The following GRIK1 variants were observed in gnomAD, a reference collection of about 807,000 sequenced individuals.
The protein encoded by GRIK1 is glutamate receptor ionotropic, kainate 1.
Under a neutral mutation model 105.7 loss-of-function variants are expected in GRIK1, and 69 were observed. That is an observed-to-expected ratio of 0.65 (90% CI 0.54 to 0.80). The LOEUF is 0.80. GRIK1 is among the 30% of genes least tolerant of loss of function. The pLI, the probability that GRIK1 is intolerant of heterozygous loss-of-function variation, is 0.00. For missense variants in GRIK1, 1,109 were observed against 1,167.3 expected, an observed-to-expected ratio of 0.95 and a Z score of 0.73; for synonymous variants, 438 against 431.3, an observed-to-expected ratio of 1.02 and a Z score of -0.19.
chr21:29,647,193 G>A (rs2062638441), intron 6 of GRIK1, among the ~76,000 whole-genome samples: 1 of 152,160 alleles, frequency 6.6e-6, no homozygotes, highest in South Asian at 2.1e-4. Flanking sequence ...GTATCATCAA[G>A]TAAATTCAAT....
intron 1 of GRIK1, among the ~76,000 whole-genome samples, chr21:29,933,358 G>T (rs891320475): frequency 6.6e-6 from 1 of 152,182 alleles, no homozygotes; most frequent in Admixed American, 6.5e-5. Context: ...GTTGCCTCAA[G>T]TGTGCTCTGG....
At chr21:29,592,552 T>A (rs1158762338) in intron 9 of GRIK1, among the ~76,000 whole-genome samples, 1 of 152,196 alleles carries the variant, frequency 6.6e-6, no homozygotes, top group African/African-American at 2.4e-5. Flanking sequence ...CCTCACATGG[T>A]GGCTTGCAAG....
chr21:29,852,503 C>G (rs926094341), intron 1 of GRIK1, among the ~76,000 whole-genome samples: 9 of 152,208 alleles, frequency 5.9e-5, no homozygotes, highest in African/African-American at 2.2e-4. Context: ...CCTCCATTCT[C>G]TGTACATCTT....
rs1328794316 is a variant in GRIK1, at chr21:29,577,069, T to C, written c.2025A>G (p.Thr675=). 2 of 1,613,154 alleles carry C rather than the reference T, an allele frequency of 1.2e-6. No individual in the cohort carries two copies. Among genetic ancestry groups the C allele is most frequent in the Admixed American group, 3.3e-5 (2 of 60,022 alleles). The change falls in exon 14 of 18, where the codon ACA becomes ACG. Residue 675 remains threonine, a synonymous_variant. Coordinates refer to ENST00000327783, the MANE Select transcript of GRIK1 (RefSeq NM_001330994.2). ...CTATGGGGGATTCCATTCTCTCTAC[T>C]GTCAAGAAGGCAGCCAGATTGGCCG... The part of the protein sequence containing the change: ...SYTANLAAFL[T]VERMESPIDS...
rs1007775499 is a variant in GRIK1, at chr21:29,856,321, G to C, written c.118+83062C>G. Reference sequence around the variant, plus strand: ...GGAAAATTATCAGCATACAGCACCAGAGCAGCCAAAAGAATGAAGTAGCCA... The same window carrying C: ...GGAAAATTATCAGCATACAGCACCACAGCAGCCAAAAGAATGAAGTAGCCA... On this transcript the variant is annotated intron_variant, in intron 1 of 17. Transcript: ENST00000327783. 8.5e-5 allele frequency among the ~76,000 whole-genome samples: 13 copies of C among 152,188 alleles called. No individual in the cohort carries two copies. In the South Asian group the frequency reaches 2.5e-3, roughly 29 times the overall value.
chr21:29,591,446 GTCTTTT>G (rs72421506), intron 9 of GRIK1, among the ~76,000 whole-genome samples: 36,464 of 151,752 alleles, frequency 0.24, 5,366 homozygotes, highest in African/African-American at 0.4. Flanking sequence ...GTAGGTGGAG[GTCTTTT>G]TCTTTTTCAT....
intron 2 of GRIK1, among the ~76,000 whole-genome samples, chr21:29,690,351 T>G (rs568717124): frequency 6.6e-6 from 1 of 152,208 alleles, no homozygotes; most frequent in East Asian, 1.9e-4. Context: ...ATGAGTGTTG[T>G]ATGAATTAAG....
chr21:29,557,353 C>T (rs145293788), intron 15 of GRIK1, among the ~76,000 whole-genome samples: 2,623 of 152,192 alleles, frequency 0.017, 41 homozygotes, highest in Middle Eastern at 0.031. Context: ...AGTACACATT[C>T]CATTTTAGAA....
intron 1 of GRIK1, among the ~76,000 whole-genome samples, chr21:29,879,756 A>C (rs1425916809): frequency 6.6e-6 from 1 of 152,172 alleles, no homozygotes; most frequent in African/African-American, 2.4e-5. Flanking sequence ...TATTAAAAAG[A>C]AAGAGGATAA....
At chr21:29,653,014 G>A (rs998849684) in intron 5 of GRIK1, among the ~76,000 whole-genome samples, 5 of 152,116 alleles carry the variant, frequency 3.3e-5, no homozygotes, top group African/African-American at 1.2e-4. Context: ...TTAAAGCATT[G>A]CATATTTTTT....
intron 7 of GRIK1, among the ~76,000 whole-genome samples, chr21:29,627,731 A>G (rs953241221): frequency 2.6e-5 from 4 of 152,216 alleles, no homozygotes; most frequent in Non-Finnish European, 5.9e-5. Flanking sequence ...GTGAATGTGC[A>G]GGAGAGGAGT....
chr21:29,553,405 T>C, intron 16 of GRIK1: 1 of 1,328,868 alleles, frequency 7.5e-7, no homozygotes, highest in East Asian at 2.8e-5. Context: ...TTCCAGTGTA[T>C]TCATTTCAAT....
chr21:29,684,995 T>C (rs2063462017), intron 3 of GRIK1, among the ~76,000 whole-genome samples: 1 of 152,188 alleles, frequency 6.6e-6, no homozygotes, highest in African/African-American at 2.4e-5. Flanking sequence ...TATGTATGTA[T>C]CTATTTATCT....
intron 1 of GRIK1, among the ~76,000 whole-genome samples, chr21:29,725,590 G>A (rs1470177343): frequency 6.6e-6 from 1 of 152,122 alleles, no homozygotes; most frequent in Non-Finnish European, 1.5e-5. Context: ...ATACGACCAG[G>A]TGTAGCCATA....
chr21:29,579,939 A>G (rs1241377678), intron 13 of GRIK1, among the ~76,000 whole-genome samples: 1 of 146,602 alleles, frequency 6.8e-6, no homozygotes, highest in Non-Finnish European at 1.5e-5. Flanking sequence ...GCTCTGTGAA[A>G]CCTAAAAGTA....
intron 4 of GRIK1, among the ~76,000 whole-genome samples, chr21:29,665,408 A>C (rs534205051): frequency 6.6e-6 from 1 of 152,326 alleles, no homozygotes; most frequent in East Asian, 1.9e-4. Context: ...TGTACCGCCA[A>C]AGTAATTATA....
chr21:29,667,013 C>T (rs1356307255), intron 4 of GRIK1, among the ~76,000 whole-genome samples: 2 of 152,186 alleles, frequency 1.3e-5, no homozygotes, highest in Non-Finnish European at 1.5e-5. Context: ...ATGACTGATG[C>T]ATTTAAGCTG....
At chr21:29,733,918 A>C (rs1224660023) in intron 1 of GRIK1, among the ~76,000 whole-genome samples, 1 of 152,114 alleles carries the variant, frequency 6.6e-6, no homozygotes, top group African/African-American at 2.4e-5. Context: ...GTAATAGTAA[A>C]ATACAGTGAA....
chr21:29,782,335 C>T (rs1266617374), intron 1 of GRIK1, among the ~76,000 whole-genome samples: 1 of 152,146 alleles, frequency 6.6e-6, no homozygotes, highest in East Asian at 1.9e-4. Flanking sequence ...ATCTGCCCTC[C>T]TTGGCCTCCC....
Sources: allele counts gnomAD v4.1 joint callset (sites outside exome capture counted in the v4.1 genomes callset), GRCh38; gene constraint gnomAD v4.1.1; transcripts MANE v1.5; gene names NCBI Gene and HGNC (gene_info 2026-07-23, HGNC 2026-07-21).